Variants in DMP1 observed in about 807,000 individuals in gnomAD.
DMP1 encodes the protein dentin matrix acidic phosphoprotein 1.
DMP1 carries 20 observed loss-of-function variants against 14.6 expected under a neutral mutation model. The observed-to-expected ratio is 1.37, with a 90% CI of 0.96 to 1.99. DMP1 has a LOEUF of 1.99. Ranked by LOEUF, DMP1 falls within the 30% of genes most tolerant of loss-of-function variation. DMP1 has a pLI of 0.00. For synonymous variants in DMP1, 197 were observed against 215.3 expected (o/e 0.91, Z 0.75); for missense variants, 567 against 620.5 (o/e 0.91, Z 0.92).
Position 87,659,454 on chromosome 4 carries a change from C to T in DMP1, c.159C>T (p.Gly53=), listed in dbSNP as rs144471060. ...PPLESSESSE[G]SKVSSEEQAN... ...AGGAGAGCAGTGAGTCATCAGAAGG[C>T]AGTAAAGTTAGCTCAGAGGAACAGG... Residue 53 remains glycine (G), a synonymous_variant, in exon 5 of 6, where the codon GGC becomes GGT. Transcript: ENST00000339673. The T allele has an allele frequency of 9.9e-4, 1,604 of 1,613,958 alleles. 7 individuals carry two copies. Among genetic ancestry groups the T allele is most frequent in the Non-Finnish European group, 3.8e-4 (447 of 1,179,932 alleles).
chr4:87,659,243 A>G lies in DMP1; in HGVS notation c.126A>G (p.Thr42=). The change falls in exon 4 of 6, where the codon ACA becomes ACG. Residue 42 remains threonine (T), a synonymous_variant. Transcript: ENST00000339673. ...AGGGTCATTTGGCTCAGGCACCAACACCACCCTTGGTAACTATCTCATTTA... is the reference window on the plus strand; with the variant it reads ...AGGGTCATTTGGCTCAGGCACCAACGCCACCCTTGGTAACTATCTCATTTA... The part of the protein sequence containing the change: ...EWKGHLAQAP[T]PPLESSESSE... 6.2e-7 allele frequency: 1 copy of G among 1,614,066 alleles called. No individual in the cohort carries two copies. Among genetic ancestry groups the G allele is most frequent in the Non-Finnish European group, 8.5e-7 (1 of 1,179,980 alleles).
At chr4:87,654,159 C>G (rs544657912) in intron 1 of DMP1, among the ~76,000 whole-genome samples, 7 of 152,106 alleles carry the variant, frequency 4.6e-5, no homozygotes, top group Admixed American at 4.6e-4. Flanking sequence ...TACAATTAAA[C>G]TAGGGGGGTC....
intron 5 of DMP1, chr4:87,660,767 G>A (rs1322047906): frequency 6.6e-6 from 1 of 152,150 alleles, no homozygotes; most frequent in African/African-American, 2.4e-5. Context: ...TCTTCTAGCT[G>A]AATCATCTAT....
At position 87,662,956 on chromosome 4, in the gene DMP1, C is replaced by G; in HGVS notation, c.1178C>G (p.Ser393Cys). 6.2e-7 allele frequency: 1 copy of G among 1,614,156 alleles called. No individual in the cohort carries two copies. The highest frequency in any genetic ancestry group is 8.5e-7 in the Non-Finnish European group (1 of 1,180,030). ...SSEEDSSHTLSHSKSESREEQ... is the reference protein window; with the variant it reads ...SSEEDSSHTLCHSKSESREEQ... ...GAGGAGGACAGCTCGCACACACTCT[C>G]CCACTCAAAAAGTGAATCCAGAGAG... is the stretch of plus-strand genomic sequence containing the variant. Residue 393 changes from serine to cysteine, a missense_variant, in exon 6 of 6, where the codon TCC becomes TGC. Coordinates refer to ENST00000339673, the MANE Select transcript of DMP1 (RefSeq NM_004407.4).
At position 87,662,022 on chromosome 4, in the gene DMP1, C is replaced by T; in HGVS notation, c.244C>T (p.Gln82Ter). 6.2e-7 allele frequency: 1 copy of T among 1,614,168 alleles called. No individual in the cohort carries two copies. Among genetic ancestry groups the T allele is most frequent in the Non-Finnish European group, 8.5e-7 (1 of 1,180,030 alleles). ...SEEGLGSDDH[Q>*]YIYRLAGGFS... ...GGAGGGCCTGGGCTCTGATGATCAT[C>T]AATACATTTATAGGCTAGCTGGTGG... Residue 82 changes from glutamine (Q) to a stop codon, truncating the protein, a stop_gained, in exon 6 of 6, where the codon CAA (glutamine) becomes TAA (stop). Transcript: ENST00000339673. LOFTEE classifies it low-confidence loss of function (END_TRUNC).
rs1300680045 is a variant in DMP1, at chr4:87,650,359, A to T, written c.-47A>T. 6.6e-6 allele frequency: 1 copy of T among 152,218 alleles called. No individual in the cohort carries two copies. Among genetic ancestry groups the T allele is most frequent in the Non-Finnish European group, 1.5e-5 (1 of 68,044 alleles). The allele number at this position is 152,218 out of a possible 1,614,324, so 9.4% of individuals were successfully genotyped here. On this transcript the variant is annotated 5_prime_UTR_variant, in exon 1 of 6. Coordinates refer to ENST00000339673, the MANE Select transcript of DMP1 (RefSeq NM_004407.4). ...TCAACCTGATTTTTGAGACTTTTTG[A>T]AAAAATTCTTTGTGAACTACGGAGG...
chr4:87,657,281 C>T (rs367899184), intron 3 of DMP1: 1 of 465,708 alleles, frequency 2.1e-6, no homozygotes, highest in Non-Finnish European at 3.9e-6. Flanking sequence ...TTTCTGTTAG[C>T]TTTCTTCTTA....
At position 87,659,544 on chromosome 4, in the gene DMP1, A is replaced by G. The variant is rs866983611; in HGVS notation, c.183+66A>G. 1.6e-5 allele frequency: 23 copies of G among 1,425,080 alleles called. No individual in the cohort carries two copies. The Middle Eastern group carries it at 2.3e-3, about 141-fold the overall frequency. The allele number at this position is 1,425,080 out of a possible 1,614,324, so 88.3% of individuals were successfully genotyped here. A position where few individuals can be genotyped will look rare whatever the true frequency, so the allele number is the denominator to read the frequency against. Reference sequence around the variant, plus strand: ...GAATGGAAGGAAATGATGTTAGATTAAATTACCTGGCGACAGTTCTAAATA... The same window carrying G: ...GAATGGAAGGAAATGATGTTAGATTGAATTACCTGGCGACAGTTCTAAATA... On this transcript the variant is annotated intron_variant, in intron 5 of 5. Coordinates refer to ENST00000339673, the MANE Select transcript of DMP1 (RefSeq NM_004407.4).
chr4:87,656,599 A>G, intron 2 of DMP1, 53 bp downstream of exon 2: 1 of 1,252,690 alleles, frequency 8.0e-7, no homozygotes, highest in Non-Finnish European at 1.2e-6. Flanking sequence ...TTAAAACTCC[A>G]CAATTTTGAT....
At chr4:87,658,263 G>T (rs1162353905) in intron 3 of DMP1, among the ~76,000 whole-genome samples, 1 of 152,200 alleles carries the variant, frequency 6.6e-6, no homozygotes, top group Non-Finnish European at 1.5e-5. Context: ...CCTCTGAAAC[G>T]CACGTTGAAG....
At position 87,662,864 on chromosome 4, in the gene DMP1, G is replaced by A; in HGVS notation, c.1086G>A (p.Glu362=). ...AGTCTCAGGAAGAGGTGGTGAGTGA[G>A]TCCAGGGGAGATAACCCCGACCCCA... ...SSESQEEVVS[E]SRGDNPDPTT... Residue 362 remains glutamate (E), a synonymous_variant, in exon 6 of 6, where the codon GAG becomes GAA. Coordinates refer to ENST00000339673, the MANE Select transcript of DMP1 (RefSeq NM_004407.4). 6.2e-7 allele frequency: 1 copy of A among 1,614,108 alleles called. No homozygotes were observed. The highest frequency in any genetic ancestry group is 1.3e-5 in the African/African-American group (1 of 75,042).
chr4:87,652,599 T>A (rs1161131682), intron 1 of DMP1, among the ~76,000 whole-genome samples: 3 of 152,198 alleles, frequency 2.0e-5, no homozygotes, highest in Admixed American at 6.6e-5. Context: ...AGTTAGGGCA[T>A]CTTTCTTGTG....
chr4:87,663,043 C>T lies in DMP1; in HGVS notation c.1265C>T (p.Pro422Leu). The change falls in exon 6 of 6, where the codon CCT (proline) becomes CTT (leucine). Residue 422 changes from proline (P) to leucine (L), a missense_variant. Physicochemically the swap from Pro to Leu is moderately conservative, Grantham distance 98 (BLOSUM62 -3). Transcript: ENST00000339673. ...LNFSEESPES[P>L]EDENSSSQEG... Reference sequence around the variant, plus strand: ...TTCTCAGAGGAAAGCCCGGAGTCCCCTGAGGATGAGAACAGCTCCAGCCAG... The same window carrying T: ...TTCTCAGAGGAAAGCCCGGAGTCCCTTGAGGATGAGAACAGCTCCAGCCAG... 1.2e-6 allele frequency: 2 copies of T among 1,614,160 alleles called. No homozygotes were observed. The highest frequency in any genetic ancestry group is 1.7e-6 in the Non-Finnish European group (2 of 1,180,008).
intron 1 of DMP1, among the ~76,000 whole-genome samples, chr4:87,654,527 G>A (rs1429546707): frequency 6.6e-6 from 1 of 152,124 alleles, no homozygotes; most frequent in Admixed American, 6.5e-5. Flanking sequence ...GATGCACCTG[G>A]GAAAAATGAA....
At chr4:87,653,325 T>C (rs541436489) in intron 1 of DMP1, among the ~76,000 whole-genome samples, 1 of 144,510 alleles carries the variant, frequency 6.9e-6, no homozygotes, top group Non-Finnish European at 1.5e-5. Context: ...AAAATAAGAT[T>C]AGATGACTTC....
At position 87,661,204 on chromosome 4, in the gene DMP1, ATTTTTTTTTTT is replaced by A. The variant is rs70957272; in HGVS notation, c.184-732_184-722del. On this transcript the variant is annotated intron_variant, in intron 5 of 5. Coordinates refer to ENST00000339673, the MANE Select transcript of DMP1 (RefSeq NM_004407.4). ...AGGTTTGTGGCACCACAGCCAGCTA[ATTTTTTTTTTT>A]TTTTTTTTTTTTTTTTTTTTTTTTT... 5.3e-4 allele frequency among the ~76,000 whole-genome samples: 35 copies of A among 66,644 alleles called. No homozygotes were observed. In the South Asian group the frequency reaches 0.012, roughly 23 times the overall value. 43.7% of individuals were successfully genotyped at this position (66,644 alleles called of 152,430 possible). A position where few individuals can be genotyped will look rare whatever the true frequency, so the allele number is the denominator to read the frequency against.
intron 1 of DMP1, among the ~76,000 whole-genome samples, chr4:87,652,289 C>CT (rs1449313338): frequency 6.6e-6 from 1 of 152,122 alleles, no homozygotes; most frequent in East Asian, 1.9e-4. Context: ...TGGCTACTGC[C>CT]TATCTGCTTC....
At chr4:87,653,851 T>A (rs1268907352) in intron 1 of DMP1, among the ~76,000 whole-genome samples, 1 of 152,036 alleles carries the variant, frequency 6.6e-6, no homozygotes, top group East Asian at 1.9e-4. Flanking sequence ...GAAAATCAAC[T>A]GACAAAATAT....
chr4:87,653,407 A>ATATAATATATATATATATAT (rs1728582317), intron 1 of DMP1, among the ~76,000 whole-genome samples: 6 of 104,196 alleles, frequency 5.8e-5, no homozygotes, highest in South Asian at 2.7e-4. Context: ...ATATATATAT[A>ATATAATATATATATATATAT]TATATATATA....
Sources: allele counts gnomAD v4.1 joint callset (sites outside exome capture counted in the v4.1 genomes callset), GRCh38; gene constraint gnomAD v4.1.1; transcripts MANE v1.5; gene names NCBI Gene and HGNC (gene_info 2026-07-23, HGNC 2026-07-21).